PCDHA6: variants seen among roughly 807,000 people sequenced by gnomAD.
PCDHA6 encodes protocadherin alpha 6.
PCDHA6 carries 55 observed loss-of-function variants against 60.3 expected under a neutral mutation model. The observed-to-expected ratio is 0.91, with a 90% CI of 0.73 to 1.14. The LOEUF (loss-of-function observed/expected upper bound fraction) is 1.14. PCDHA6 is among the 50% of genes most tolerant of loss of function. The probability of loss-of-function intolerance (pLI) is 0.00; values close to 1 mark genes in which losing one functional copy is unlikely to be tolerated. For missense variants in PCDHA6, 1,327 were observed against 1,256.5 expected (o/e 1.06, Z -0.85); for synonymous variants, 652 against 557.9 (o/e 1.17, Z -2.38).
intron 3 of PCDHA6, among the ~76,000 whole-genome samples, chr5:141,007,495 G>T (rs2098332812): frequency 6.6e-6 from 1 of 151,988 alleles, no homozygotes; most frequent in Non-Finnish European, 1.5e-5. Flanking sequence ...TTGGACCTAG[G>T]AGGCAGAGAC....
At chr5:140,946,241 T>A (rs797039382) in intron 1 of PCDHA6, among the ~76,000 whole-genome samples, 5 of 152,044 alleles carry the variant, frequency 3.3e-5, no homozygotes, top group African/African-American at 1.2e-4. Context: ...ATGCTCAACA[T>A]CATGAATCAT....
At chr5:140,947,969 C>T (rs1159851699) in intron 1 of PCDHA6, among the ~76,000 whole-genome samples, 1 of 151,182 alleles carries the variant, frequency 6.6e-6, no homozygotes, top group African/African-American at 2.4e-5. Context: ...TAAGTATGTG[C>T]TACTCATAGG....
intron 1 of PCDHA6, among the ~76,000 whole-genome samples, chr5:140,953,432 C>T (rs1292809968): frequency 6.6e-6 from 1 of 152,108 alleles, no homozygotes; most frequent in Non-Finnish European, 1.5e-5. Context: ...TGTCCTTAAG[C>T]TGGAGAAACT....
chr5:140,829,715 G>T lies in PCDHA6; in HGVS notation c.1624G>T (p.Val542Leu), dbSNP rs553935345. The T allele has an allele frequency of 6.2e-7, 1 of 1,613,468 alleles. No individual in the cohort carries two copies. The highest frequency in any genetic ancestry group is 1.7e-5 in the Admixed American group (1 of 60,000). The stretch of plus-strand genomic sequence containing the variant: ...TCAGGTGAGCGCGCGCGACGCGGGC[G>T]TGCCGCCTCTGGGCAGCAACGTGAC... ...QFQVSARDAG[V>L]PPLGSNVTLQ... The change falls in exon 1 of 4, where the codon GTG (valine) becomes TTG (leucine). Residue 542 changes from valine (V) to leucine (L), a missense_variant. Coordinates refer to ENST00000529310, the MANE Select transcript of PCDHA6 (RefSeq NM_018909.4).
Position 141,010,344 on chromosome 5 carries a change from G to C in PCDHA6, c.*407G>C. ...CAGCTTGGGAGTTTGTGGCCACTGG[G>C]TATGTGTGGCTACCGCGGGTATGCG... is the stretch of plus-strand genomic sequence containing the variant. On this transcript the variant is annotated 3_prime_UTR_variant, in exon 4 of 4. Transcript: ENST00000529310. 1 of 1,518,888 alleles carries C rather than the reference G, an allele frequency of 6.6e-7. No homozygotes were observed. Among genetic ancestry groups the C allele is most frequent in the Non-Finnish European group, 8.8e-7 (1 of 1,132,764 alleles). The allele number at this position is 1,518,888 out of a possible 1,614,324, so 94.1% of individuals were successfully genotyped here.
chr5:140,882,189 T>A, intron 1 of PCDHA6: 6 of 1,519,304 alleles, frequency 3.9e-6, no homozygotes, highest in Non-Finnish European at 5.3e-6. Context: ...TAGGAAGCCA[T>A]AAAAATTGGG....
At chr5:140,936,433 G>A (rs907839925) in intron 1 of PCDHA6, among the ~76,000 whole-genome samples, 4 of 152,126 alleles carry the variant, frequency 2.6e-5, no homozygotes, top group Admixed American at 2.6e-4. Flanking sequence ...ATTAATTTAA[G>A]CTTAAATAAC....
intron 3 of PCDHA6, 112 bp downstream of exon 3, chr5:140,982,675 T>A (rs782533593): frequency 1.3e-4 from 192 of 1,441,664 alleles, no homozygotes; most frequent in Middle Eastern, 9.1e-4. Flanking sequence ...ATTTTTGTTA[T>A]TCCCTTTTTT....
At chr5:140,961,743 A>G (rs1585893660) in intron 1 of PCDHA6, among the ~76,000 whole-genome samples, 1 of 152,170 alleles carries the variant, frequency 6.6e-6, no homozygotes, top group East Asian at 1.9e-4. Flanking sequence ...CTTTAGTAAT[A>G]TTACAGTTTT....
Position 140,858,435 on chromosome 5 carries a change from A to T in PCDHA6, c.2394+27950A>T, listed in dbSNP as rs2045411060. The T allele has an allele frequency of 2.5e-5, 38 of 1,543,330 alleles. 4 individuals are homozygous for T. Among genetic ancestry groups the T allele is most frequent in the Non-Finnish European group, 3.1e-5 (35 of 1,135,660 alleles). ...TCTATTGGAGGGGACCACTCTAGGA[A>T]GGTGGGTTATTACGTTTTCATTTTC... On this transcript the variant is annotated intron_variant, in intron 1 of 3. Transcript: ENST00000529310.
chr5:141,000,705 G>A (rs912231910), intron 3 of PCDHA6, among the ~76,000 whole-genome samples: 6 of 151,458 alleles, frequency 4.0e-5, no homozygotes, highest in African/African-American at 1.2e-4. Context: ...TGGGATTACA[G>A]GCATGAGCCA....
intron 1 of PCDHA6, chr5:140,851,454 T>C: frequency 1.1e-6 from 1 of 899,244 alleles, no homozygotes; most frequent in Non-Finnish European, 1.4e-6. Flanking sequence ...ACTTTAGGAA[T>C]CAAATTATGT....
rs1554262625 is a variant in PCDHA6, at chr5:141,009,974, T to A, written c.*37T>A. 3 of 1,585,642 alleles carry A rather than the reference T, an allele frequency of 1.9e-6. No homozygotes were observed. The highest frequency in any genetic ancestry group is 2.6e-6 in the Non-Finnish European group (3 of 1,169,212). ...GGAAACAAGCCACTTAGCCAGTTTT[T>A]GTAATAATGGCAAATCTCTCCCATG... On this transcript the variant is annotated 3_prime_UTR_variant, in exon 4 of 4. Transcript: ENST00000529310.
At chr5:140,857,806 G>A (rs1554150689) in intron 1 of PCDHA6, 2 of 1,597,702 alleles carry the variant, frequency 1.3e-6, no homozygotes, top group African/African-American at 1.3e-5. Flanking sequence ...CGGTGGTTGC[G>A]GGTCACGTGG....
intron 3 of PCDHA6, among the ~76,000 whole-genome samples, chr5:140,991,620 T>C (rs2097462467): frequency 6.6e-6 from 1 of 152,212 alleles, no homozygotes; most frequent in Non-Finnish European, 1.5e-5. Flanking sequence ...TTTAATGCCA[T>C]ATTTGTAATA....
intron 1 of PCDHA6, chr5:140,849,056 G>T: frequency 6.4e-7 from 1 of 1,554,944 alleles, no homozygotes; most frequent in South Asian, 1.1e-5. Context: ...CCAGCAACCA[G>T]CAGGTAAAAC....
chr5:140,993,454 T>G (rs1343043993), intron 3 of PCDHA6, among the ~76,000 whole-genome samples: 1 of 133,974 alleles, frequency 7.5e-6, no homozygotes, highest in Non-Finnish European at 1.6e-5. Flanking sequence ...GTTCTCCTTC[T>G]TTCTTTCTCA....
chr5:140,837,666 T>C (rs1775190875), intron 1 of PCDHA6, among the ~76,000 whole-genome samples: 1 of 151,622 alleles, frequency 6.6e-6, no homozygotes, highest in African/African-American at 2.4e-5. Context: ...TTTCTTTCAT[T>C]CTTTTTCTTT....
intron 1 of PCDHA6, chr5:140,834,892 A>T (rs2150228741): frequency 6.2e-7 from 1 of 1,604,044 alleles, no homozygotes; most frequent in East Asian, 2.2e-5. Context: ...CTGCTCACTT[A>T]CAGACTGAGC....
Sources: allele counts gnomAD v4.1 joint callset (sites outside exome capture counted in the v4.1 genomes callset), GRCh38; gene constraint gnomAD v4.1.1; transcripts MANE v1.5; gene names NCBI Gene and HGNC (gene_info 2026-07-23, HGNC 2026-07-21).